Variants in STRBP observed in about 807,000 individuals in gnomAD.
STRBP encodes spermatid perinuclear RNA binding protein, also known as spermatid perinuclear RNA-binding protein.
In STRBP, 13 loss-of-function variants were observed where a neutral mutation model predicts 80.1. That is an observed-to-expected ratio of 0.16 (90% confidence interval 0.11 to 0.26). STRBP has a LOEUF of 0.26. STRBP is among the 10% of genes least tolerant of loss of function. The pLI, the probability that STRBP is intolerant of heterozygous loss-of-function variation, is 1.00. For synonymous variants in STRBP, 284 were observed against 291.2 expected, an observed-to-expected ratio of 0.98 and a Z score of 0.25; for missense variants, 485 against 815.2, an observed-to-expected ratio of 0.59 and a Z score of 4.93.
chr9:123,181,899 A>G (rs2132459231), intron 3 of STRBP, among the ~76,000 whole-genome samples: 1 of 149,510 alleles, frequency 6.7e-6, no homozygotes, highest in East Asian at 2.0e-4. Flanking sequence ...ATAAGCTCTA[A>G]ACAGATTTTC....
chr9:123,135,175 T>C (rs949356611), intron 16 of STRBP, among the ~76,000 whole-genome samples: 2 of 152,194 alleles, frequency 1.3e-5, no homozygotes, highest in Non-Finnish European at 2.9e-5. Flanking sequence ...CCTTGTTTCC[T>C]TACCTGTAAA....
rs1181762416 is a variant in STRBP, at chr9:123,122,189, T to C, written c.*3408A>G. Reference sequence around the variant, plus strand: ...CTCTTTAATCAGAAAATAAAAGAGCTTACCTTTGTATACTGAGATCACAGC... The same window carrying C: ...CTCTTTAATCAGAAAATAAAAGAGCCTACCTTTGTATACTGAGATCACAGC... On this transcript the variant is annotated 3_prime_UTR_variant, in exon 19 of 19. Coordinates refer to ENST00000348403, the MANE Select transcript of STRBP (RefSeq NM_018387.5). 17 of 532,740 alleles carry C rather than the reference T, an allele frequency of 3.2e-5. No homozygotes were observed. The highest frequency in any genetic ancestry group is 2.0e-5 in the African/African-American group (1 of 49,206). 33.0% of individuals were successfully genotyped at this position (532,740 alleles called of 1,614,324 possible). A position where few individuals can be genotyped will look rare whatever the true frequency, so the allele number is the denominator to read the frequency against.
At chr9:123,128,555 G>A (rs1006181792) in intron 17 of STRBP, among the ~76,000 whole-genome samples, 1 of 152,184 alleles carries the variant, frequency 6.6e-6, no homozygotes, top group African/African-American at 2.4e-5. Context: ...TTCCTTGTCT[G>A]GGTTCCCCAC....
Position 123,123,280 on chromosome 9 carries a change from G to A in STRBP, c.*2317C>T. On this transcript the variant is annotated 3_prime_UTR_variant, in exon 19 of 19. Coordinates refer to ENST00000348403, the MANE Select transcript of STRBP (RefSeq NM_018387.5). The stretch of plus-strand genomic sequence containing the variant: ...ATCTCAGGCAATTTGGTGAAGCCAA[G>A]AGCTTCATTTATATTTCTCTGCTCT... 2.0e-6 allele frequency: 2 copies of A among 985,372 alleles called. No homozygotes were observed. The highest frequency in any genetic ancestry group is 4.7e-5 in the South Asian group (1 of 21,282). 61.0% of individuals were successfully genotyped at this position (985,372 alleles called of 1,614,324 possible).
intron 3 of STRBP, chr9:123,111,665 C>T (rs376165406): frequency 1.1e-5 from 5 of 469,110 alleles, no homozygotes; most frequent in South Asian, 3.1e-5. Context: ...AAAGGCCACA[C>T]CTGGCACTGC....
chr9:123,242,849 T>C (rs1397498142), intron 1 of STRBP, among the ~76,000 whole-genome samples: 2 of 152,200 alleles, frequency 1.3e-5, no homozygotes, highest in Non-Finnish European at 2.9e-5. Flanking sequence ...TCTAGTCTCA[T>C]TCCAATCTAT....
chr9:123,157,014 A>G (rs552777202), intron 11 of STRBP, among the ~76,000 whole-genome samples: 14 of 152,294 alleles, frequency 9.2e-5, no homozygotes, highest in African/African-American at 3.1e-4. Context: ...CAGGCATTTT[A>G]ACCGGACAAG....
chr9:123,171,433 G>A (rs142241940), intron 5 of STRBP, among the ~76,000 whole-genome samples: 6 of 152,106 alleles, frequency 3.9e-5, no homozygotes, highest in Non-Finnish European at 7.4e-5. Context: ...AAATAATATC[G>A]TATCAGAGAC....
intron 2 of STRBP, among the ~76,000 whole-genome samples, chr9:123,209,622 G>A (rs2039639189): frequency 6.6e-6 from 1 of 152,180 alleles, no homozygotes; most frequent in Non-Finnish European, 1.5e-5. Flanking sequence ...TGGGGTGTAT[G>A]TATGCATGTA....
chr9:123,220,605 T>TA (rs1226405160), intron 2 of STRBP, among the ~76,000 whole-genome samples: 1 of 152,194 alleles, frequency 6.6e-6, no homozygotes, highest in Non-Finnish European at 1.5e-5. Context: ...TAAAGGAAGT[T>TA]AAAGTATTCT....
At chr9:123,135,993 C>T in intron 16 of STRBP, 48 bp downstream of exon 16, 1 of 1,598,814 alleles carries the variant, frequency 6.3e-7, no homozygotes, top group South Asian at 1.1e-5. Flanking sequence ...AATTTAATTC[C>T]TCTAACATTT....
chr9:123,239,349 T>G (rs1024641504), intron 1 of STRBP, among the ~76,000 whole-genome samples: 12 of 152,004 alleles, frequency 7.9e-5, no homozygotes, highest in Admixed American at 5.2e-4. Flanking sequence ...CACTCTGGCC[T>G]GGGTGACAGA....
In STRBP at chr9:123,136,528, G is replaced by A. The variant is rs768229507; in HGVS notation, c.1498-13C>T. ...CCTGAGTTCTTACCTATAAGAGAAAGGGAATCTGAAGGTTCAATCAAGTAA... is the reference window on the plus strand; with the variant it reads ...CCTGAGTTCTTACCTATAAGAGAAAAGGAATCTGAAGGTTCAATCAAGTAA... On this transcript the variant is annotated splice_polypyrimidine_tract_variant and intron_variant, in intron 14 of 18. Transcript: ENST00000348403. The surrounding 1 kb of genome is among the most constrained non-coding windows in gnomAD (Gnocchi z 4.2). 3 of 1,610,214 alleles carry A rather than the reference G, an allele frequency of 1.9e-6. 1 individual carries two copies. Among genetic ancestry groups the A allele is most frequent in the East Asian group, 2.2e-5 (1 of 44,864 alleles).
chr9:123,170,039 G>A lies in STRBP; in HGVS notation c.398C>T (p.Thr133Ile). The A allele has an allele frequency of 6.3e-7, 1 of 1,597,748 alleles. No homozygotes were observed. Among genetic ancestry groups the A allele is most frequent in the African/African-American group, 1.4e-5 (1 of 73,912 alleles). Residue 133 changes from threonine to isoleucine, a missense_variant, in exon 6 of 19, where the codon ACA becomes ATA. By Grantham distance (89) the Thr-to-Ile change is moderately conservative. Coordinates refer to ENST00000348403, the MANE Select transcript of STRBP (RefSeq NM_018387.5). ...DNLPIQIQKL[T>I]EEKYQVEQCV... ...TTGTTCCACTTGATATTTCTCTTCT[G>A]TGAGTTTCTGAAAGTCACCAAGATT... is the stretch of plus-strand genomic sequence containing the variant.
chr9:123,234,177 G>A (rs2040480755), intron 2 of STRBP, among the ~76,000 whole-genome samples: 2 of 149,560 alleles, frequency 1.3e-5, no homozygotes, highest in African/African-American at 4.9e-5. Flanking sequence ...CTCCAGCCTG[G>A]GCGACAGAGC....
At chr9:123,129,166 G>T (rs1256003480) in intron 17 of STRBP, among the ~76,000 whole-genome samples, 1 of 152,040 alleles carries the variant, frequency 6.6e-6, no homozygotes, top group Non-Finnish European at 1.5e-5. Context: ...AGACCAGCCT[G>T]GGCAATATAG....
In STRBP at chr9:123,158,267, A is replaced by G. The variant is rs370233016; in HGVS notation, c.933+65T>C. The G allele has an allele frequency of 5.3e-5, 84 of 1,573,766 alleles. No individual in the cohort carries two copies. The African/African-American group carries it at 7.3e-4, about 14-fold the overall frequency. ...ACACACAAGAAAAAAGTGTTTGAAC[A>G]CAATTGAGAAAATTAAGTTATGTTA... On this transcript the variant is annotated intron_variant, in intron 10 of 18. Coordinates refer to ENST00000348403, the MANE Select transcript of STRBP (RefSeq NM_018387.5).
intron 6 of STRBP, among the ~76,000 whole-genome samples, chr9:123,164,977 G>A (rs2037690018): frequency 6.6e-6 from 1 of 152,178 alleles, no homozygotes; most frequent in Non-Finnish European, 1.5e-5. Context: ...TGGAAAGACA[G>A]TGCCTAAAAG....
At chr9:123,189,169 T>G (rs4838032) in intron 2 of STRBP, among the ~76,000 whole-genome samples, 50,319 of 151,378 alleles carry the variant, frequency 0.33, 12,439 homozygotes, top group East Asian at 0.69. Context: ...GGGACATGGA[T>G]GAAGCTGGAA....
Sources: allele counts gnomAD v4.1 joint callset (sites outside exome capture counted in the v4.1 genomes callset), GRCh38; gene constraint gnomAD v4.1.1; non-coding constraint Gnocchi (gnomAD v3.1); transcripts MANE v1.5; gene names NCBI Gene and HGNC (gene_info 2026-07-23, HGNC 2026-07-21).